Variants in GRM5 observed in about 807,000 individuals in gnomAD.
GRM5 encodes the protein metabotropic glutamate receptor 5.
Under a neutral mutation model 83.1 loss-of-function variants are expected in GRM5, and 19 were observed. The ratio of observed to expected loss-of-function variants is 0.23; its 90% CI spans 0.16 to 0.34. The LOEUF (loss-of-function observed/expected upper bound fraction) is 0.34, where lower values mean the gene tolerates loss of function less well. Ranked by LOEUF, GRM5 falls within the 10% of genes least tolerant of loss-of-function variation. The pLI is 1.00. For synonymous variants in GRM5, 675 were observed against 633.6 expected (o/e 1.07, Z -0.98); for missense variants, 1,160 against 1,588.3 (o/e 0.73, Z 4.58).
chr11:88,711,224 A>G (rs1941273392), intron 3 of GRM5, among the ~76,000 whole-genome samples: 1 of 152,076 alleles, frequency 6.6e-6, no homozygotes, highest in African/African-American at 2.4e-5. Flanking sequence ...AGACAGCCCT[A>G]CAGGAAGGAA....
chr11:88,978,446 C>T (rs1279537149), intron 2 of GRM5, among the ~76,000 whole-genome samples: 1 of 97,058 alleles, frequency 1.0e-5, no homozygotes, highest in Non-Finnish European at 2.1e-5. Context: ...ACATCAAATA[C>T]AGTAACATTA....
At chr11:88,542,936 C>T (rs546484885) in intron 8 of GRM5, among the ~76,000 whole-genome samples, 1 of 152,226 alleles carries the variant, frequency 6.6e-6, no homozygotes, top group Admixed American at 6.5e-5. Context: ...GGTATGGTGG[C>T]ACATACCTGT....
At position 88,698,907 on chromosome 11, in the gene GRM5, G is replaced by A. The variant is rs574733022; in HGVS notation, c.912-45504C>T. Among the ~76,000 whole-genome samples the A allele has an allele frequency of 3.0e-4, 45 of 152,264 alleles. No individual in the cohort carries two copies. In the South Asian group the frequency reaches 9.1e-3, roughly 31 times the overall value. ...GAATGTATGGTGGATTGAACAAAGT[G>A]GAGAATTTACAACCATCTTCCTTGA... On this transcript the variant is annotated intron_variant, in intron 3 of 9. Coordinates refer to ENST00000305447, the MANE Select transcript of GRM5 (RefSeq NM_001143831.3).
At chr11:88,738,627 T>G (rs899044694) in intron 3 of GRM5, among the ~76,000 whole-genome samples, 2 of 152,088 alleles carry the variant, frequency 1.3e-5, no homozygotes, top group Admixed American at 6.6e-5. Flanking sequence ...TTAAATCACA[T>G]AAAGTGGTCA....
chr11:89,006,173 C>A (rs1396935281), intron 2 of GRM5, among the ~76,000 whole-genome samples: 3 of 152,114 alleles, frequency 2.0e-5, no homozygotes, highest in Non-Finnish European at 2.9e-5. Context: ...AATTAAAGAA[C>A]CTGGTTTCCG....
chr11:88,753,112 T>G (rs1394145139), intron 3 of GRM5, among the ~76,000 whole-genome samples: 1 of 151,958 alleles, frequency 6.6e-6, no homozygotes, highest in African/African-American at 2.4e-5. Context: ...CAAATAGTAT[T>G]TAATTAAACT....
intron 3 of GRM5, among the ~76,000 whole-genome samples, chr11:88,764,672 C>T (rs920737762): frequency 1.3e-5 from 2 of 151,402 alleles, no homozygotes; most frequent in Non-Finnish European, 1.5e-5. Flanking sequence ...AGTGAAAACA[C>T]AATATACCAA....
intron 2 of GRM5, among the ~76,000 whole-genome samples, chr11:89,002,966 T>C (rs1009225717): frequency 1.3e-5 from 2 of 150,648 alleles, no homozygotes; most frequent in Non-Finnish European, 3.0e-5. Context: ...TTACTTTTCT[T>C]AGTGTCCATC....
At chr11:88,589,348 G>A (rs181992781) in intron 7 of GRM5, among the ~76,000 whole-genome samples, 2 of 152,184 alleles carry the variant, frequency 1.3e-5, no homozygotes, top group Admixed American at 6.5e-5. Flanking sequence ...AAAGCTCACA[G>A]TCTAATGGCA....
chr11:88,768,862 C>G (rs1339937125), intron 3 of GRM5, among the ~76,000 whole-genome samples: 1 of 151,962 alleles, frequency 6.6e-6, no homozygotes, highest in Non-Finnish European at 1.5e-5. Flanking sequence ...TCTGAAGGCT[C>G]CAGAAGGTGT....
intron 2 of GRM5, among the ~76,000 whole-genome samples, chr11:88,982,616 TTATC>T (rs1939563597): frequency 6.6e-6 from 1 of 152,272 alleles, no homozygotes; most frequent in East Asian, 1.9e-4. Context: ...TACACACAAT[TTATC>T]TATTTTTTGT....
intron 7 of GRM5, among the ~76,000 whole-genome samples, chr11:88,575,013 GA>G (rs139017087): frequency 0.053 from 6,480 of 121,490 alleles, 471 homozygotes; most frequent in African/African-American, 0.18. Flanking sequence ...CTTTAGCATA[GA>G]AAAAAAAAAT....
intron 2 of GRM5, among the ~76,000 whole-genome samples, chr11:89,009,851 A>T (rs1401642750): frequency 7.6e-6 from 1 of 131,530 alleles, no homozygotes. Flanking sequence ...CAGTGAGCCG[A>T]GATCGCGCCA....
intron 3 of GRM5, among the ~76,000 whole-genome samples, chr11:88,672,287 C>T (rs541841535): frequency 2.0e-5 from 3 of 151,882 alleles, no homozygotes; most frequent in Admixed American, 1.3e-4. Context: ...CCAAGTACAT[C>T]AACATTTATT....
chr11:88,948,452 C>T (rs1463602004), intron 2 of GRM5, among the ~76,000 whole-genome samples: 9 of 152,068 alleles, frequency 5.9e-5, no homozygotes, highest in East Asian at 1.9e-4. Context: ...TTTTTACCAA[C>T]GATACTGAAA....
intron 7 of GRM5, among the ~76,000 whole-genome samples, chr11:88,590,239 C>T (rs1591367924): frequency 6.6e-6 from 1 of 152,148 alleles, no homozygotes; most frequent in South Asian, 2.1e-4. Context: ...TTGGATATGT[C>T]ATGACATATT....
At chr11:89,024,162 G>A (rs1217726689) in intron 2 of GRM5, among the ~76,000 whole-genome samples, 1 of 152,062 alleles carries the variant, frequency 6.6e-6, no homozygotes, top group Non-Finnish European at 1.5e-5. Context: ...GTCGCAATGA[G>A]TTGATATCTC....
At chr11:88,870,586 G>T (rs986450878) in intron 2 of GRM5, among the ~76,000 whole-genome samples, 1 of 151,542 alleles carries the variant, frequency 6.6e-6, no homozygotes, top group Non-Finnish European at 1.5e-5. Context: ...AATTAAGAAT[G>T]ATTTCATAGT....
At chr11:89,050,630 G>C (rs1044362778) in intron 1 of GRM5, among the ~76,000 whole-genome samples, 1 of 152,004 alleles carries the variant, frequency 6.6e-6, no homozygotes, top group African/African-American at 2.4e-5. Flanking sequence ...TATACCCAAA[G>C]GAATATAAAT....
Sources: gnomAD v4.1 joint callset for allele counts (sites outside exome capture counted in the v4.1 genomes callset) on GRCh38, gnomAD v4.1.1 for gene constraint, MANE v1.5 for transcripts, NCBI Gene and HGNC (gene_info 2026-07-23, HGNC 2026-07-21) for gene names.